Variants in GID4 observed in about 807,000 individuals in gnomAD.
The protein encoded by GID4 is glucose-induced degradation protein 4 homolog.
A neutral mutation model predicts 32.4 loss-of-function variants in GID4; 7 were observed. That is an observed-to-expected ratio of 0.22 (90% CI 0.12 to 0.41). GID4 has a LOEUF of 0.41. Among genes scored for constraint, GID4 ranks in the 10% least tolerant of loss-of-function variants. The pLI is 1.00. For synonymous variants in GID4, 166 were observed against 170.0 expected, an observed-to-expected ratio of 0.98 and a Z score of 0.18; for missense variants, 309 against 400.0, an observed-to-expected ratio of 0.77 and a Z score of 1.94.
At chr17:18,046,098 G>A (rs957215521) in intron 2 of GID4, among the ~76,000 whole-genome samples, 4 of 152,128 alleles carry the variant, frequency 2.6e-5, no homozygotes, top group African/African-American at 7.2e-5. Flanking sequence ...CTGGCCCTCC[G>A]AATGCTGGGA....
Position 18,065,934 on chromosome 17 carries a change from C to G in GID4, c.*691C>G, listed in dbSNP as rs374931142. On this transcript the variant is annotated 3_prime_UTR_variant, in exon 6 of 6. Transcript: ENST00000268719. ...ATCACTAAATTTAAGGCTTCCAGATCCCTGGCAGGAACAGATTCCAGTCCT... is the reference window on the plus strand; with the variant it reads ...ATCACTAAATTTAAGGCTTCCAGATGCCTGGCAGGAACAGATTCCAGTCCT... 1 of 152,318 alleles carries G rather than the reference C, an allele frequency of 6.6e-6. No homozygotes were observed. The highest frequency in any genetic ancestry group is 1.9e-4 in the East Asian group (1 of 5,204). 9.4% of individuals were successfully genotyped at this position (152,318 alleles called of 1,614,324 possible).
chr17:18,061,285 T>G lies in GID4; in HGVS notation c.709-560T>G, dbSNP rs1041578609. On this transcript the variant is annotated intron_variant, in intron 4 of 5. Coordinates refer to ENST00000268719, the MANE Select transcript of GID4 (RefSeq NM_024052.5). The surrounding 1 kb of genome is among the most constrained non-coding windows in gnomAD (Gnocchi z 4.4). ...AGCAGAGGTGGCAAGCTTGCCTCTC[T>G]CCTAAGGTCCCTGGTAAAGAACAGT... Among the ~76,000 whole-genome samples the G allele has an allele frequency of 6.6e-6, 1 of 152,170 alleles. No homozygotes were observed. Among genetic ancestry groups the G allele is most frequent in the Non-Finnish European group, 1.5e-5 (1 of 68,040 alleles).
At chr17:18,056,590 G>A in intron 3 of GID4, 1 of 986,528 alleles carries the variant, frequency 1.0e-6, no homozygotes, top group Admixed American at 2.5e-5. Flanking sequence ...TTTCATATTG[G>A]TCCTGCAAAA....
intron 2 of GID4, among the ~76,000 whole-genome samples, chr17:18,049,337 AAAAAAAAAAAAAAAGGAGATAAGTGTC>A (rs2044886701): frequency 6.8e-6 from 1 of 146,360 alleles, no homozygotes; most frequent in Non-Finnish European, 1.5e-5. Flanking sequence ...CTTCGTGTCA[AAAAAAAAAAAAAAAGGAGATAAGTGTC>A]AAAAAAAAAA....
Position 18,045,313 on chromosome 17 carries a change from C to G in GID4, c.498+107C>G, listed in dbSNP as rs970199612. 2.3e-5 allele frequency: 17 copies of G among 734,990 alleles called. 1 individual carries two copies. Among genetic ancestry groups the G allele is most frequent in the South Asian group, 2.3e-4 (14 of 60,696 alleles). 45.5% of individuals were successfully genotyped at this position (734,990 alleles called of 1,614,324 possible). On this transcript the variant is annotated intron_variant, in intron 2 of 5. Coordinates refer to ENST00000268719, the MANE Select transcript of GID4 (RefSeq NM_024052.5). ...TCAACTCCTTGAGGCCTAATTAAAG[C>G]AGACTACTCCTGAGCATTGCTACTG...
chr17:18,054,987 C>T (rs560581291), intron 3 of GID4, among the ~76,000 whole-genome samples: 5 of 151,980 alleles, frequency 3.3e-5, no homozygotes, highest in African/African-American at 4.8e-5. Flanking sequence ...CTGGCTAACA[C>T]GGTGAAACCT....
chr17:18,063,551 G>C (rs1201854882), intron 5 of GID4, among the ~76,000 whole-genome samples: 2 of 152,060 alleles, frequency 1.3e-5, no homozygotes, highest in African/African-American at 4.8e-5. Flanking sequence ...TCTGAGCCCT[G>C]GGCAACCACT....
chr17:18,064,958 GA>G (rs527481591), intron 5 of GID4, among the ~76,000 whole-genome samples: 2 of 151,396 alleles, frequency 1.3e-5, no homozygotes, highest in Admixed American at 6.6e-5. Context: ...AGAGCAGAAT[GA>G]AAAAAAACAT....
rs368181181 is a variant in GID4 at position 18,061,813 on chromosome 17, A to G, written c.709-32A>G. 1.2e-5 allele frequency: 19 copies of G among 1,613,090 alleles called. No individual in the cohort carries two copies. The Admixed American group carries it at 1.5e-4, about 13-fold the overall frequency. On this transcript the variant is annotated intron_variant, in intron 4 of 5. Coordinates refer to ENST00000268719, the MANE Select transcript of GID4 (RefSeq NM_024052.5). This position sits in a 1 kb window ranked among gnomAD's most constrained non-coding sequence, Gnocchi z 4.4. ...GCCCCGTGGGTGGTCAGAGAATGCTATCTGTTACTGACCCTCTTCATCTGT... is the reference window on the plus strand; with the variant it reads ...GCCCCGTGGGTGGTCAGAGAATGCTGTCTGTTACTGACCCTCTTCATCTGT...
chr17:18,067,886 T>A lies in GID4; in HGVS notation c.*2643T>A, dbSNP rs528778725. ...ATTCTGCTGTCCTCAGCCTCGACCCTCTTCTGTGCTGGACTTCCACCCACC... is the reference window on the plus strand; with the variant it reads ...ATTCTGCTGTCCTCAGCCTCGACCCACTTCTGTGCTGGACTTCCACCCACC... On this transcript the variant is annotated 3_prime_UTR_variant, in exon 6 of 6. Coordinates refer to ENST00000268719, the MANE Select transcript of GID4 (RefSeq NM_024052.5). The A allele has an allele frequency of 6.5e-6, 1 of 152,754 alleles. No individual in the cohort carries two copies. Among genetic ancestry groups the A allele is most frequent in the East Asian group, 1.9e-4 (1 of 5,180 alleles). 9.5% of individuals were successfully genotyped at this position (152,754 alleles called of 1,614,324 possible).
intron 1 of GID4, among the ~76,000 whole-genome samples, chr17:18,044,836 A>T (rs749986363): frequency 6.6e-6 from 1 of 152,216 alleles, no homozygotes; most frequent in Non-Finnish European, 1.5e-5. Context: ...AGGTCTCTAG[A>T]TGACCGGGAG....
chr17:18,062,595 T>C (rs951134802), intron 5 of GID4, among the ~76,000 whole-genome samples: 1 of 152,212 alleles, frequency 6.6e-6, no homozygotes, highest in South Asian at 2.1e-4. Context: ...ATTTCCTCTC[T>C]GAAGGTAAAA....
chr17:18,047,533 C>G (rs1207775139), intron 2 of GID4, among the ~76,000 whole-genome samples: 2 of 152,242 alleles, frequency 1.3e-5, no homozygotes, highest in African/African-American at 2.4e-5. Flanking sequence ...TAGGAAGCCC[C>G]CGTGAGTCGA....
At chr17:18,049,331 G>A (rs1337766241) in intron 2 of GID4, among the ~76,000 whole-genome samples, 8 of 132,528 alleles carry the variant, frequency 6.0e-5, no homozygotes, top group Middle Eastern at 4.2e-3. Flanking sequence ...GTGAGACTTC[G>A]TGTCAAAAAA....
intron 2 of GID4, among the ~76,000 whole-genome samples, chr17:18,047,560 C>T (rs370082252): frequency 1.9e-4 from 29 of 152,336 alleles, no homozygotes; most frequent in East Asian, 9.6e-4. Context: ...CAGTCAGGCT[C>T]CTTTGAGGAG....
chr17:18,056,940 G>A (rs1472962833), intron 3 of GID4: 3 of 1,550,464 alleles, frequency 1.9e-6, no homozygotes, highest in African/African-American at 2.7e-5. Context: ...TGGGACTCCT[G>A]GAGCTCTGTA....
At chr17:18,064,460 G>A (rs757858159) in intron 5 of GID4, among the ~76,000 whole-genome samples, 2 of 152,126 alleles carry the variant, frequency 1.3e-5, no homozygotes, top group Non-Finnish European at 2.9e-5. Flanking sequence ...GAAATAAGCC[G>A]CTTTTTCCTA....
In GID4 at chr17:18,061,498, G is replaced by A. The variant is rs1445888019; in HGVS notation, c.709-347G>A. Among the ~76,000 whole-genome samples the A allele has an allele frequency of 6.6e-6, 1 of 152,176 alleles. No homozygotes were observed. Among genetic ancestry groups the A allele is most frequent in the Admixed American group, 6.5e-5 (1 of 15,270 alleles). On this transcript the variant is annotated intron_variant, in intron 4 of 5. Coordinates refer to ENST00000268719, the MANE Select transcript of GID4 (RefSeq NM_024052.5). The surrounding 1 kb of genome is among the most constrained non-coding windows in gnomAD (Gnocchi z 4.4). Reference sequence around the variant, plus strand: ...AAACTTCGCTCTTCCCAGGTTGATTGTCTGTGGTCTCTGAAAGATAGAGAG... The same window carrying A: ...AAACTTCGCTCTTCCCAGGTTGATTATCTGTGGTCTCTGAAAGATAGAGAG...
intron 2 of GID4, among the ~76,000 whole-genome samples, chr17:18,051,265 T>C (rs1295102279): frequency 6.6e-6 from 1 of 152,008 alleles, no homozygotes; most frequent in East Asian, 1.9e-4. Flanking sequence ...CTTGGCCCCC[T>C]AGAGTGCTGG....
Sources: gnomAD v4.1 joint callset for allele counts (sites outside exome capture counted in the v4.1 genomes callset) on GRCh38, gnomAD v4.1.1 for gene constraint, Gnocchi (gnomAD v3.1) non-coding constraint, MANE v1.5 for transcripts, NCBI Gene and HGNC (gene_info 2026-07-23, HGNC 2026-07-21) for gene names.